Variants in EVC2 observed in about 807,000 individuals in gnomAD.
EVC2 encodes limbin.
Under a neutral mutation model 149.3 loss-of-function variants are expected in EVC2, and 148 were observed. The ratio of observed to expected loss-of-function variants is 0.99; its 90% CI spans 0.87 to 1.14. The LOEUF is 1.14. Ranked by LOEUF, EVC2 falls within the 50% of genes most tolerant of loss-of-function variation. The pLI, the probability that EVC2 is intolerant of heterozygous loss-of-function variation, is 0.00. For missense variants in EVC2, 1,854 were observed against 1,627.3 expected, an observed-to-expected ratio of 1.14 and a Z score of -2.40; for synonymous variants, 776 against 649.9, an observed-to-expected ratio of 1.19 and a Z score of -2.95.
Position 5,633,046 on chromosome 4 carries a change from G to A in EVC2, c.1471-1014C>T, listed in dbSNP as rs188819023. Among the ~76,000 whole-genome samples, 89 of 152,282 alleles carry A rather than the reference G, an allele frequency of 5.8e-4. No homozygotes were observed. Among genetic ancestry groups the A allele is most frequent in the African/African-American group, 2.0e-3 (85 of 41,550 alleles). On this transcript the variant is annotated intron_variant, in intron 10 of 21. Coordinates refer to ENST00000344408, the MANE Select transcript of EVC2 (RefSeq NM_147127.5). This position sits in a 1 kb window ranked among gnomAD's most constrained non-coding sequence, Gnocchi z 4.4. ...TCAGTTGACTTTGAATTAATCAAAA[G>A]GAAGACTCTCCTGGGTGGGCCTGAC...
Position 5,631,820 on chromosome 4 carries a change from C to G in EVC2, c.1683G>C (p.Met561Ile), listed in dbSNP as rs1482011754. 6.2e-7 allele frequency: 1 copy of G among 1,614,084 alleles called. No individual in the cohort carries two copies. The highest frequency in any genetic ancestry group is 1.1e-5 in the South Asian group (1 of 91,080). ...GTATTTTAGAATAATTTTGCAGCAG[C>G]ATTTTAGCTGCCTCTGGTTTCAATT... ...KGELKPEAAK[M>I]LLQNYSKIQE... is the part of the protein sequence containing the mutation. The change falls in exon 11 of 22, where the codon ATG becomes ATC. Residue 561 changes from methionine (M) to isoleucine (I), a missense_variant. Physicochemically the swap from Met to Ile is conservative, Grantham distance 10. Transcript: ENST00000344408.
chr4:5,568,471 G>T lies in EVC2; in HGVS notation c.3530C>A (p.Ala1177Glu). 1 of 1,573,114 alleles carries T rather than the reference G, an allele frequency of 6.4e-7. No individual in the cohort carries two copies. ...VDHAAESDGG[A>E]EQADVGRRRK... Reference sequence around the variant, plus strand: ...CCGCCTGCCCACGTCGGCCTGCTCCGCTCCGCCATCGCTCTCAGCTGCGTG... The same window carrying T: ...CCGCCTGCCCACGTCGGCCTGCTCCTCTCCGCCATCGCTCTCAGCTGCGTG... The change falls in exon 20 of 22, where the codon GCG (alanine) becomes GAG (glutamate). Residue 1177 changes from alanine (A) to glutamate (E), a missense_variant. Transcript: ENST00000344408.
Position 5,562,919 on chromosome 4 carries a change from G to A in EVC2, c.3856C>T (p.His1286Tyr). Residue 1286 changes from histidine (H) to tyrosine (Y), a missense_variant, in exon 22 of 22, where the codon CAC becomes TAC. By Grantham distance (83) the His-to-Tyr change is moderately conservative. Coordinates refer to ENST00000344408, the MANE Select transcript of EVC2 (RefSeq NM_147127.5). The surrounding 1 kb of genome is among the most constrained non-coding windows in gnomAD (Gnocchi z 4.3). ...RNPKEPEISLHVPPRKKKNFL... is the reference protein window; with the variant it reads ...RNPKEPEISLYVPPRKKKNFL... ...TTCTTCTTTTTCCTGGGAGGAACGT[G>A]CAGTGAGATCTCTGGCTCCTTTGGA... 6.2e-7 allele frequency: 1 copy of A among 1,614,152 alleles called. No homozygotes were observed. The highest frequency in any genetic ancestry group is 8.5e-7 in the Non-Finnish European group (1 of 1,180,034).
chr4:5,555,646 T>C (rs1449487764), intron 21 of EVC2, among the ~76,000 whole-genome samples: 1 of 152,152 alleles, frequency 6.6e-6, no homozygotes, highest in African/African-American at 2.4e-5. Flanking sequence ...ATACACAATA[T>C]TTTTTACAAT....
intron 3 of EVC2, among the ~76,000 whole-genome samples, chr4:5,692,522 T>C (rs1721183248): frequency 6.6e-6 from 1 of 152,194 alleles, no homozygotes; most frequent in South Asian, 2.1e-4. Context: ...TCCTGTGATC[T>C]TTCCACAACA....
At chr4:5,647,595 T>A (rs1282882348) in intron 9 of EVC2, among the ~76,000 whole-genome samples, 3 of 152,164 alleles carry the variant, frequency 2.0e-5, no homozygotes, top group Non-Finnish European at 4.4e-5. Flanking sequence ...TGGCTAAATG[T>A]CAAATGAACT....
chr4:5,684,326 T>C (rs1263996877), intron 6 of EVC2, among the ~76,000 whole-genome samples: 2 of 152,170 alleles, frequency 1.3e-5, no homozygotes, highest in Non-Finnish European at 2.9e-5. Flanking sequence ...TTTCCCCTCA[T>C]TGCAGCAGAA....
chr4:5,587,144 T>G (rs570260122), intron 16 of EVC2, among the ~76,000 whole-genome samples: 12 of 152,316 alleles, frequency 7.9e-5, no homozygotes, highest in African/African-American at 2.9e-4. Flanking sequence ...TAACATAAAA[T>G]TCACTAAAGT....
intron 8 of EVC2, among the ~76,000 whole-genome samples, 191 bp downstream of exon 8, chr4:5,665,324 G>A (rs1719194553): frequency 6.6e-6 from 1 of 150,844 alleles, no homozygotes; most frequent in Non-Finnish European, 1.5e-5. Flanking sequence ...TGGCTCTTAA[G>A]AAAAAAAAAG....
chr4:5,665,924 A>G (rs1208789453), intron 7 of EVC2, among the ~76,000 whole-genome samples: 1 of 152,160 alleles, frequency 6.6e-6, no homozygotes, highest in Non-Finnish European at 1.5e-5. Flanking sequence ...AGCACATCAC[A>G]GACACTCAAG....
chr4:5,644,430 G>A (rs1255919702), intron 9 of EVC2, among the ~76,000 whole-genome samples: 2 of 151,776 alleles, frequency 1.3e-5, no homozygotes, highest in Admixed American at 1.3e-4. Context: ...TCAGCCTCCC[G>A]AGTAGCTGGG....
At chr4:5,534,087 G>A in the EVC2 span, among the ~76,000 whole-genome samples, 1 of 152,154 alleles carries the variant, frequency 6.6e-6, no homozygotes, top group South Asian at 2.1e-4. Flanking sequence ...TTTTAAGCAG[G>A]GAGTGATTTA....
chr4:5,658,585 A>G (rs1718681695), intron 9 of EVC2, among the ~76,000 whole-genome samples: 1 of 152,226 alleles, frequency 6.6e-6, no homozygotes, highest in South Asian at 2.1e-4. Flanking sequence ...CTAATAATAG[A>G]GAAAACAGAC....
At chr4:5,631,682 T>C (rs1037117583) in intron 11 of EVC2, 111 bp downstream of exon 11, 15 of 1,412,748 alleles carry the variant, frequency 1.1e-5, no homozygotes, top group Admixed American at 4.0e-5. Flanking sequence ...AAGAGAAAGC[T>C]CACTAGTGCA....
intron 9 of EVC2, among the ~76,000 whole-genome samples, chr4:5,655,673 C>T (rs1312033973): frequency 6.6e-6 from 1 of 150,884 alleles, no homozygotes; most frequent in Non-Finnish European, 1.5e-5. Context: ...CTGAGAGCCT[C>T]AGAGGCAGAG....
intron 1 of EVC2, among the ~76,000 whole-genome samples, chr4:5,707,347 G>A (rs1007858877): frequency 6.6e-6 from 1 of 152,096 alleles, no homozygotes. Flanking sequence ...AGTGTCCTGG[G>A]GTAGAGAACA....
intron 16 of EVC2, among the ~76,000 whole-genome samples, chr4:5,603,668 G>C (rs1032183218): frequency 6.6e-6 from 1 of 152,214 alleles, no homozygotes; most frequent in Admixed American, 6.5e-5. Context: ...CATTTCTAGT[G>C]AATGGTGCAT....
Position 5,659,521 on chromosome 4 carries a change from G to C in EVC2, c.1145+3586C>G, listed in dbSNP as rs556373463. On this transcript the variant is annotated intron_variant, in intron 9 of 21. Coordinates refer to ENST00000344408, the MANE Select transcript of EVC2 (RefSeq NM_147127.5). Reference sequence around the variant, plus strand: ...GGACGGGAGGGAGGATGGGAGGCTGGGGGAGAGGAAGAGAGGAATGAATTT... The same window carrying C: ...GGACGGGAGGGAGGATGGGAGGCTGCGGGAGAGGAAGAGAGGAATGAATTT... 6.6e-5 allele frequency among the ~76,000 whole-genome samples: 10 copies of C among 152,210 alleles called. No individual in the cohort carries two copies. In the South Asian group the frequency reaches 2.1e-3, roughly 32 times the overall value.
chr4:5,596,006 CA>C, intron 16 of EVC2, among the ~76,000 whole-genome samples: 1 of 152,210 alleles, frequency 6.6e-6, no homozygotes, highest in Non-Finnish European at 1.5e-5. Context: ...ATCAACTCGA[CA>C]AGAAGAGCTA....
Sources: allele counts gnomAD v4.1 joint callset (sites outside exome capture counted in the v4.1 genomes callset), GRCh38; gene constraint gnomAD v4.1.1; non-coding constraint Gnocchi (gnomAD v3.1); transcripts MANE v1.5; gene names NCBI Gene and HGNC (gene_info 2026-07-23, HGNC 2026-07-21).